CHCHD6: variants seen among roughly 807,000 people sequenced by gnomAD.
CHCHD6 encodes the protein MICOS complex subunit MIC25.
A neutral mutation model predicts 32.3 loss-of-function variants in CHCHD6; 28 were observed. The ratio of observed to expected loss-of-function variants is 0.87; its 90% CI spans 0.64 to 1.19. The LOEUF is 1.19. CHCHD6 is among the 50% of genes most tolerant of loss of function. The pLI, the probability that CHCHD6 is intolerant of heterozygous loss-of-function variation, is 0.00. For missense variants in CHCHD6, 333 were observed against 307.0 expected, an observed-to-expected ratio of 1.08 and a Z score of -0.63; for synonymous variants, 122 against 117.5, an observed-to-expected ratio of 1.04 and a Z score of -0.25.
At chr3:126,788,746 A>G (rs1938363429) in intron 4 of CHCHD6, among the ~76,000 whole-genome samples, 1 of 151,966 alleles carries the variant, frequency 6.6e-6, no homozygotes, top group Non-Finnish European at 1.5e-5. Context: ...CGGTCTATCA[A>G]TTTTGTTGAT....
At chr3:126,853,112 C>G (rs1440910430) in intron 5 of CHCHD6, among the ~76,000 whole-genome samples, 1 of 151,990 alleles carries the variant, frequency 6.6e-6, no homozygotes, top group Non-Finnish European at 1.5e-5. Context: ...TGATGTCTTG[C>G]TATACAAATA....
At chr3:126,768,668 TAATTTAC>T (rs1343641923) in intron 4 of CHCHD6, among the ~76,000 whole-genome samples, 1 of 152,196 alleles carries the variant, frequency 6.6e-6, no homozygotes. Flanking sequence ...GAGGCTGAAG[TAATTTAC>T]ATTCCCACAG....
At chr3:126,945,544 C>T (rs529219525) in intron 6 of CHCHD6, among the ~76,000 whole-genome samples, 1 of 110,878 alleles carries the variant, frequency 9.0e-6, no homozygotes, top group Admixed American at 1.1e-4. Context: ...TAGAGAGACT[C>T]GGGACGGGGA....
chr3:126,770,366 G>A (rs942254463), intron 4 of CHCHD6, among the ~76,000 whole-genome samples: 1 of 152,170 alleles, frequency 6.6e-6, no homozygotes, highest in Non-Finnish European at 1.5e-5. Flanking sequence ...CCAATAATAT[G>A]TTGAATAGAA....
intron 4 of CHCHD6, among the ~76,000 whole-genome samples, chr3:126,801,126 G>C (rs548007363): frequency 6.6e-6 from 1 of 152,268 alleles, no homozygotes; most frequent in Non-Finnish European, 1.5e-5. Flanking sequence ...AGCTCCCAGC[G>C]TGAGCGACGC....
rs540379993 is a variant in CHCHD6, at chr3:126,803,058, C to A, written c.412-49589C>A. Among the ~76,000 whole-genome samples, 1,469 of 152,096 alleles carry A rather than the reference C, an allele frequency of 9.7e-3. 12 individuals are homozygous for A. Among genetic ancestry groups the A allele is most frequent in the Non-Finnish European group, 0.017 (1,171 of 68,014 alleles). On this transcript the variant is annotated intron_variant, in intron 4 of 7. Coordinates refer to ENST00000290913, the MANE Select transcript of CHCHD6 (RefSeq NM_032343.3). ...AGGCCTGCCCTACAAGAGCTCCTGACACAAGCACTAAACGTGGAAAGGAAC... is the reference window on the plus strand; with the variant it reads ...AGGCCTGCCCTACAAGAGCTCCTGAAACAAGCACTAAACGTGGAAAGGAAC...
chr3:126,873,064 A>G (rs2077497291), intron 5 of CHCHD6, among the ~76,000 whole-genome samples: 1 of 152,198 alleles, frequency 6.6e-6, no homozygotes, highest in East Asian at 1.9e-4. Flanking sequence ...CTGGTCGTAA[A>G]TATCCACTGT....
rs551751035 is a variant in CHCHD6, at chr3:126,790,051, C to G, written c.411+56829C>G. On this transcript the variant is annotated intron_variant, in intron 4 of 7. Coordinates refer to ENST00000290913, the MANE Select transcript of CHCHD6 (RefSeq NM_032343.3). ...ACAAAATCTCTCAGCATTTGCTTGT[C>G]TGTAAAGGATTTTATTTCTCTTCAC... Among the ~76,000 whole-genome samples, 126 of 152,120 alleles carry G rather than the reference C, an allele frequency of 8.3e-4. 1 individual carries two copies. Among genetic ancestry groups the G allele is most frequent in the African/African-American group, 3.0e-3 (125 of 41,484 alleles).
At chr3:126,766,776 G>GAAAAACA in intron 4 of CHCHD6, 1 of 1,127,258 alleles carries the variant, frequency 8.9e-7, no homozygotes, top group South Asian at 1.2e-5. Context: ...TGGCCCCCTG[G>GAAAAACA]AAAAACAGAC....
chr3:126,806,372 C>A (rs1939380377), intron 4 of CHCHD6, among the ~76,000 whole-genome samples: 1 of 152,060 alleles, frequency 6.6e-6, no homozygotes, highest in Admixed American at 6.5e-5. Flanking sequence ...ACAACCCCAT[C>A]AAAAAGTGGG....
chr3:126,785,482 A>G (rs2107682935), intron 4 of CHCHD6, among the ~76,000 whole-genome samples: 1 of 152,328 alleles, frequency 6.6e-6, no homozygotes, highest in East Asian at 1.9e-4. Flanking sequence ...GGAGAGCATA[A>G]CACAGTGATG....
chr3:126,826,561 T>G lies in CHCHD6; in HGVS notation c.412-26086T>G, dbSNP rs957610228. ...GTATTTGCCTACCATTATGTTAGGC[T>G]CTCTGTGTGTGTTATATAATTGTGT... On this transcript the variant is annotated intron_variant, in intron 4 of 7. Transcript: ENST00000290913. Among the ~76,000 whole-genome samples the G allele has an allele frequency of 2.0e-5, 3 of 152,144 alleles. No homozygotes were observed. In the East Asian group the frequency reaches 5.8e-4, roughly 29 times the overall value.
intron 4 of CHCHD6, among the ~76,000 whole-genome samples, chr3:126,810,194 T>C (rs912356871): frequency 2.0e-5 from 3 of 152,206 alleles, no homozygotes; most frequent in Non-Finnish European, 2.9e-5. Flanking sequence ...ATAACTAAAG[T>C]ACAGTACATG....
intron 5 of CHCHD6, among the ~76,000 whole-genome samples, chr3:126,897,569 G>A (rs1256060591): frequency 6.6e-6 from 1 of 152,158 alleles, no homozygotes; most frequent in Non-Finnish European, 1.5e-5. Context: ...GACAGACCTG[G>A]GTTTAAATCT....
At chr3:126,947,597 T>TA in intron 6 of CHCHD6, among the ~76,000 whole-genome samples, 1 of 152,184 alleles carries the variant, frequency 6.6e-6, no homozygotes, top group East Asian at 1.9e-4. Context: ...GCCTGTGACT[T>TA]ACCAACCCCG....
Position 126,720,328 on chromosome 3 carries a change from G to C in CHCHD6, c.88-6750G>C, listed in dbSNP as rs554208998. 2.6e-5 allele frequency among the ~76,000 whole-genome samples: 4 copies of C among 152,278 alleles called. No homozygotes were observed. The East Asian group carries it at 7.7e-4, about 29-fold the overall frequency. ...CTCATCCTCATCCACATAGATCCCA[G>C]GACCCCTGAGGTTCATTCCTCACTG... On this transcript the variant is annotated intron_variant, in intron 1 of 7. Coordinates refer to ENST00000290913, the MANE Select transcript of CHCHD6 (RefSeq NM_032343.3).
intron 4 of CHCHD6, among the ~76,000 whole-genome samples, chr3:126,752,610 T>C (rs1018048718): frequency 1.3e-5 from 2 of 152,226 alleles, no homozygotes; most frequent in Non-Finnish European, 2.9e-5. Flanking sequence ...CCTCTTTTTG[T>C]TGGGAGACCT....
At chr3:126,710,296 T>A (rs1262765358) in intron 1 of CHCHD6, among the ~76,000 whole-genome samples, 1 of 152,224 alleles carries the variant, frequency 6.6e-6, no homozygotes, top group Non-Finnish European at 1.5e-5. Flanking sequence ...ATTCCATTGA[T>A]CTTTATGTCT....
At chr3:126,786,928 T>G (rs1032320369) in intron 4 of CHCHD6, among the ~76,000 whole-genome samples, 51 of 152,092 alleles carry the variant, frequency 3.4e-4, no homozygotes, top group Non-Finnish European at 5.7e-4. Flanking sequence ...GTATTGCCTA[T>G]GTTTTCTTCT....
Sources: allele counts gnomAD v4.1 joint callset (sites outside exome capture counted in the v4.1 genomes callset), GRCh38; gene constraint gnomAD v4.1.1; transcripts MANE v1.5; gene names NCBI Gene and HGNC (gene_info 2026-07-23, HGNC 2026-07-21).